MRPL15: variants seen among roughly 807,000 people sequenced by gnomAD.
The protein encoded by MRPL15 is mitochondrial ribosomal protein L15, also known as large ribosomal subunit protein uL15m.
A neutral mutation model predicts 28.0 loss-of-function variants in MRPL15; 24 were observed. The ratio of observed to expected loss-of-function variants is 0.86; its 90% CI spans 0.62 to 1.21. The LOEUF is 1.21. MRPL15 is among the 50% of genes most tolerant of loss of function. The pLI, the probability that MRPL15 is intolerant of heterozygous loss-of-function variation, is 0.00. For missense variants in MRPL15, 343 were observed against 372.4 expected (o/e 0.92, Z 0.65); for synonymous variants, 124 against 137.0 (o/e 0.90, Z 0.66).
chr8:54,146,851 A>G (rs778393219), intron 4 of MRPL15, among the ~76,000 whole-genome samples: 6 of 152,220 alleles, frequency 3.9e-5, no homozygotes, highest in Non-Finnish European at 8.8e-5. Context: ...GTTTGAAAAC[A>G]GAACTGGGGT....
chr8:54,148,372 C>T lies in MRPL15; in HGVS notation c.*653C>T, dbSNP rs932529029. Among the ~76,000 whole-genome samples the T allele has an allele frequency of 6.6e-6, 1 of 152,224 alleles. No individual in the cohort carries two copies. Among genetic ancestry groups the T allele is most frequent in the African/African-American group, 2.4e-5 (1 of 41,456 alleles). On this transcript the variant is annotated 3_prime_UTR_variant, in exon 5 of 5. Transcript: ENST00000260102. ...AGCTCCCAAGATGGTGGTGGCCACT[C>T]CCAAGATGGCAGCAAGCCTTTTGTT...
At chr8:54,146,007 C>T (rs1811038865) in intron 4 of MRPL15, among the ~76,000 whole-genome samples, 1 of 152,190 alleles carries the variant, frequency 6.6e-6, no homozygotes, top group Admixed American at 6.5e-5. Flanking sequence ...TTCTCATTTG[C>T]CCTGTGTGGA....
chr8:54,144,495 G>A (rs772944583), intron 4 of MRPL15, among the ~76,000 whole-genome samples: 6 of 152,124 alleles, frequency 3.9e-5, no homozygotes, highest in Admixed American at 6.6e-5. Context: ...CAAAGGCCGG[G>A]CGCAGTGGCT....
chr8:54,136,459 C>T lies in MRPL15; in HGVS notation c.109-52C>T, dbSNP rs967276283. On this transcript the variant is annotated intron_variant, in intron 1 of 4. Coordinates refer to ENST00000260102, the MANE Select transcript of MRPL15 (RefSeq NM_014175.4). ...TAACAAAAAGTGAAGAGCTGAAATG[C>T]AGTTTTTAGAAATGCATCTGAAATT... 2.5e-6 allele frequency: 4 copies of T among 1,570,838 alleles called. No homozygotes were observed. The African/African-American group carries it at 4.1e-5, about 16-fold the overall frequency.
chr8:54,136,263 C>G (rs1436515031), intron 1 of MRPL15, among the ~76,000 whole-genome samples: 1 of 152,144 alleles, frequency 6.6e-6, no homozygotes, highest in African/African-American at 2.4e-5. Context: ...ACCTTATCCC[C>G]ATCCTAACCT....
rs766865850 is a variant in MRPL15, at chr8:54,137,232, T to C, written c.264-36T>C. On this transcript the variant is annotated intron_variant, in intron 2 of 4. Transcript: ENST00000260102. ...TTGATTTCGAGAAGTTACAGGAAGATGAGAGTTTTCCAACTCTTACATTCT... is the reference window on the plus strand; with the variant it reads ...TTGATTTCGAGAAGTTACAGGAAGACGAGAGTTTTCCAACTCTTACATTCT... The C allele has an allele frequency of 3.8e-6, 6 of 1,587,586 alleles. No individual in the cohort carries two copies. The East Asian group carries it at 1.3e-4, about 36-fold the overall frequency.
At chr8:54,139,144 C>A (rs935098547) in intron 3 of MRPL15, among the ~76,000 whole-genome samples, 10 of 152,188 alleles carry the variant, frequency 6.6e-5, no homozygotes, top group African/African-American at 2.4e-4. Context: ...GGATTACAGG[C>A]ATGTGCCACC....
Position 54,147,561 on chromosome 8 carries a change from C to A in MRPL15, c.733C>A (p.Pro245Thr), listed in dbSNP as rs1307814767. Residue 245 changes from proline to threonine, a missense_variant, in exon 5 of 5, where the codon CCT becomes ACT. Physicochemically the swap from Pro to Thr is conservative, Grantham distance 38 (BLOSUM62 -1). Transcript: ENST00000260102. Reference protein sequence around the residue: ...ELARKYGYILPDITKDELFKM... With the variant: ...ELARKYGYILTDITKDELFKM... ...CGCCAGGAAGTATGGTTATATCTTA[C>A]CTGATATCACTAAAGATGAACTCTT... The A allele has an allele frequency of 3.1e-6, 5 of 1,614,116 alleles. No homozygotes were observed. Among genetic ancestry groups the A allele is most frequent in the Admixed American group, 1.7e-5 (1 of 60,002 alleles).
chr8:54,147,303 CTA>C (rs373693252), intron 4 of MRPL15, 77 bp from the exon 5 acceptor site: 6 of 1,038,522 alleles, frequency 5.8e-6, no homozygotes, highest in Middle Eastern at 3.1e-4. Flanking sequence ...AGTTACATCT[CTA>C]TGTTAGAGTT....
intron 1 of MRPL15, among the ~76,000 whole-genome samples, chr8:54,135,940 T>C (rs1459540650): frequency 6.6e-6 from 1 of 152,244 alleles, no homozygotes; most frequent in Non-Finnish European, 1.5e-5. Context: ...ATGAAATGTT[T>C]TCCCGGTGTA....
rs1426183234 is a variant in MRPL15, at chr8:54,138,317, T to TA, written c.429+884_429+885insA. Among the ~76,000 whole-genome samples, 165 of 134,606 alleles carry TA rather than the reference T, an allele frequency of 1.2e-3. 3 individuals are homozygous for TA. The highest frequency in any genetic ancestry group is 4.9e-3 in the African/African-American group (156 of 32,018). The allele number at this position is 134,606 out of a possible 152,430, so 88.3% of individuals were successfully genotyped here. A position where few individuals can be genotyped will look rare whatever the true frequency, so the allele number is the denominator to read the frequency against. On this transcript the variant is annotated intron_variant, in intron 3 of 4. Coordinates refer to ENST00000260102, the MANE Select transcript of MRPL15 (RefSeq NM_014175.4). ...CAGGAAGATCTTTTTTTTTTTTTTT[T>TA]TTTTTTTTTTTTAAATAGAGATGGA...
chr8:54,143,846 G>A (rs544644054), intron 4 of MRPL15, among the ~76,000 whole-genome samples: 2 of 152,212 alleles, frequency 1.3e-5, no homozygotes, highest in South Asian at 2.1e-4. Flanking sequence ...CTTCAGCCTC[G>A]GCCTCTGCTG....
At chr8:54,144,092 C>T (rs1472886681) in intron 4 of MRPL15, among the ~76,000 whole-genome samples, 1 of 152,250 alleles carries the variant, frequency 6.6e-6, no homozygotes, top group African/African-American at 2.4e-5. Context: ...AAGTTCATTT[C>T]TCTTTCTCTG....
At chr8:54,141,679 T>C (rs935995084) in intron 3 of MRPL15, among the ~76,000 whole-genome samples, 1 of 152,204 alleles carries the variant, frequency 6.6e-6, no homozygotes, top group Non-Finnish European at 1.5e-5. Context: ...AGTATTTGCA[T>C]ATAACCTGCC....
intron 3 of MRPL15, among the ~76,000 whole-genome samples, chr8:54,140,376 C>T (rs1010467710): frequency 6.6e-6 from 1 of 151,864 alleles, no homozygotes; most frequent in Non-Finnish European, 1.5e-5. Context: ...ATTCTCCTGC[C>T]TCAGCCTCCC....
rs1586214060 is a variant in MRPL15 at position 54,135,298 on chromosome 8, G to T, written c.15G>T (p.Leu5Phe). MAGP[L>F]QGGGARALDL... is the part of the protein sequence containing the mutation. ...ATCTGCGGGTTATGGCCGGTCCCTT[G>T]CAGGGCGGTGGGGCCCGGGCCCTGG... Residue 5 changes from leucine (L) to phenylalanine (F), a missense_variant, in exon 1 of 5, where the codon TTG becomes TTT. Leu to Phe is a conservative substitution (Grantham distance 22). Coordinates refer to ENST00000260102, the MANE Select transcript of MRPL15 (RefSeq NM_014175.4). The T allele has an allele frequency of 3.6e-6, 5 of 1,399,200 alleles. No individual in the cohort carries two copies. The East Asian group carries it at 1.5e-4, about 42-fold the overall frequency. 86.7% of individuals were successfully genotyped at this position (1,399,200 alleles called of 1,614,324 possible).
chr8:54,135,288 C>A lies in MRPL15; in HGVS notation c.5C>A (p.Ala2Asp). The A allele has an allele frequency of 7.3e-7, 1 of 1,378,296 alleles. No homozygotes were observed. Among genetic ancestry groups the A allele is most frequent in the Non-Finnish European group, 9.5e-7 (1 of 1,057,674 alleles). 85.4% of individuals were successfully genotyped at this position (1,378,296 alleles called of 1,614,324 possible). Reference protein sequence around the residue: MAGPLQGGGARA... With the variant: MDGPLQGGGARA... ...AAGTTCTTGGATCTGCGGGTTATGG[C>A]CGGTCCCTTGCAGGGCGGTGGGGCC... Residue 2 changes from alanine to aspartate, a missense_variant, in exon 1 of 5, where the codon GCC becomes GAC. Transcript: ENST00000260102.
At chr8:54,138,199 C>A (rs1293051870) in intron 3 of MRPL15, among the ~76,000 whole-genome samples, 3 of 151,100 alleles carry the variant, frequency 2.0e-5, no homozygotes, top group Non-Finnish European at 4.4e-5. Flanking sequence ...CGTGATCCAC[C>A]CACCTTGGCC....
chr8:54,137,287 C>T lies in MRPL15; in HGVS notation c.283C>T (p.Pro95Ser), dbSNP rs1236696199. The T allele has an allele frequency of 6.2e-7, 1 of 1,613,742 alleles. No individual in the cohort carries two copies. The highest frequency in any genetic ancestry group is 1.3e-5 in the African/African-American group (1 of 75,016). Residue 95 changes from proline (P) to serine (S), a missense_variant, in exon 3 of 5, where the codon CCT becomes TCT. Pro to Ser is a moderately conservative substitution (Grantham distance 74, BLOSUM62 -1). Coordinates refer to ENST00000260102, the MANE Select transcript of MRPL15 (RefSeq NM_014175.4). ...TTACAGTTTCAGACGCCAGTATAAGCCTTTGAGTCTCAATAGACTGCAGTA... is the reference window on the plus strand; with the variant it reads ...TTACAGTTTCAGACGCCAGTATAAGTCTTTGAGTCTCAATAGACTGCAGTA... ...EGHSFRRQYK[P>S]LSLNRLQYLI...
Sources: gnomAD v4.1 joint callset for allele counts (sites outside exome capture counted in the v4.1 genomes callset) on GRCh38, gnomAD v4.1.1 for gene constraint, MANE v1.5 for transcripts, NCBI Gene and HGNC (gene_info 2026-07-23, HGNC 2026-07-21) for gene names.